Variants in MTFR1 observed in about 807,000 individuals in gnomAD.
MTFR1 encodes the protein mitochondrial fission regulator 1, also known as chondrocyte protein with a poly-proline region.
MTFR1 carries 28 observed loss-of-function variants against 38.8 expected under a neutral mutation model. The ratio of observed to expected loss-of-function variants is 0.72; its 90% confidence interval spans 0.53 to 0.99. The LOEUF (loss-of-function observed/expected upper bound fraction) is 0.99, where lower values mean the gene tolerates loss of function less well. Ranked by LOEUF, MTFR1 falls within the 50% of genes least tolerant of loss-of-function variation. The pLI, the probability that MTFR1 is intolerant of heterozygous loss-of-function variation, is 0.00. For synonymous variants in MTFR1, 145 were observed against 137.0 expected (o/e 1.06, Z -0.41); for missense variants, 358 against 395.5 (o/e 0.91, Z 0.81).
At chr8:65,655,127 C>T (rs1409701651) in intron 1 of MTFR1, among the ~76,000 whole-genome samples, 2 of 152,134 alleles carry the variant, frequency 1.3e-5, no homozygotes, top group Non-Finnish European at 1.5e-5. Context: ...CATGTGGCTG[C>T]TTAAAATATT....
chr8:65,766,913 T>C (rs755608203), intron 3 of MTFR1, among the ~76,000 whole-genome samples: 1 of 151,786 alleles, frequency 6.6e-6, no homozygotes, highest in East Asian at 1.9e-4. Context: ...GGGATGAGAG[T>C]TGAGGAAGTT....
At chr8:65,657,155 A>G (rs969370094) in intron 1 of MTFR1, among the ~76,000 whole-genome samples, 2 of 151,952 alleles carry the variant, frequency 1.3e-5, no homozygotes, top group African/African-American at 4.8e-5. Context: ...CTAGGATTAC[A>G]GGCATGCACC....
intron 3 of MTFR1, chr8:65,725,206 A>T (rs1806562708): frequency 2.6e-5 from 5 of 192,218 alleles, no homozygotes; most frequent in Admixed American, 1.2e-4. Context: ...TATTTGCTTT[A>T]AAAAAAAAAT....
chr8:65,771,884 C>CA (rs36101490), downstream of MTFR1, among the ~76,000 whole-genome samples: 11,216 of 55,358 alleles, frequency 0.2, 1,431 homozygotes, highest in African/African-American at 0.27. Context: ...CTCCATCTCT[C>CA]AAAAAAAAAA....
At position 65,708,153 on chromosome 8, in the gene MTFR1, T is replaced by C. The variant is rs760931760; in HGVS notation, c.933+142T>C. ...CAGGATTTGGTCCCTGCCTTACAAG[T>C]AGATCACGGCTGGTTGGGAAAAGGA... On this transcript the variant is annotated intron_variant, in intron 7 of 7. Coordinates refer to ENST00000262146, the MANE Select transcript of MTFR1 (RefSeq NM_014637.4). The C allele has an allele frequency of 8.5e-6, 13 of 1,537,624 alleles. No homozygotes were observed. The South Asian group carries it at 1.5e-4, about 17-fold the overall frequency.
intron 3 of MTFR1, chr8:65,728,381 C>T (rs1806695101): frequency 6.6e-6 from 1 of 152,154 alleles, no homozygotes; most frequent in African/African-American, 2.4e-5. Flanking sequence ...TCATCTCTTT[C>T]TACTCCCTGT....
At chr8:65,647,093 A>G (rs1808980911) in intron 1 of MTFR1, among the ~76,000 whole-genome samples, 1 of 152,220 alleles carries the variant, frequency 6.6e-6, no homozygotes. Context: ...TGACATGATC[A>G]AAGTTATCTT....
intron 3 of MTFR1, among the ~76,000 whole-genome samples, chr8:65,768,853 C>CA (rs1808930764): frequency 6.6e-6 from 1 of 152,042 alleles, no homozygotes; most frequent in Admixed American, 6.5e-5. Context: ...AAGATATAAT[C>CA]AAAAATAATA....
chr8:65,693,533 A>C (rs140960318), intron 3 of MTFR1, 111 bp from the exon 4 acceptor site: 2 of 737,612 alleles, frequency 2.7e-6, no homozygotes, highest in Non-Finnish European at 4.7e-6. Flanking sequence ...GTTAGAAACC[A>C]CTCATGTGTT....
chr8:65,724,183 G>T, intron 3 of MTFR1: 1 of 911,300 alleles, frequency 1.1e-6, no homozygotes. Flanking sequence ...AAATTATTGA[G>T]TTATTTTATT....
At chr8:65,769,877 C>T (rs951976459) in intron 3 of MTFR1, among the ~76,000 whole-genome samples, 2 of 152,096 alleles carry the variant, frequency 1.3e-5, no homozygotes, top group African/African-American at 2.4e-5. Flanking sequence ...GCCTGGGTGA[C>T]AAGAGTGAAA....
At chr8:65,644,583 GAC>G (rs1305680312), upstream of MTFR1, among the ~76,000 whole-genome samples, 1 of 152,254 alleles carries the variant, frequency 6.6e-6, no homozygotes, top group African/African-American at 2.4e-5. Context: ...CACCGACTGT[GAC>G]TCTCAGCAGC....
chr8:65,708,322 G>A (rs1020042215), intron 7 of MTFR1: 2 of 420,894 alleles, frequency 4.8e-6, no homozygotes, highest in South Asian at 2.2e-5. Flanking sequence ...AATCTCCAAT[G>A]TTACATTTTC....
At chr8:65,664,083 C>G (rs895718114) in intron 1 of MTFR1, among the ~76,000 whole-genome samples, 3 of 152,020 alleles carry the variant, frequency 2.0e-5, no homozygotes, top group African/African-American at 7.2e-5. Flanking sequence ...TCCAAAGTGT[C>G]AGGATTACAG....
At chr8:65,737,433 T>C (rs1456073819) in intron 3 of MTFR1, among the ~76,000 whole-genome samples, 1 of 152,204 alleles carries the variant, frequency 6.6e-6, no homozygotes, top group East Asian at 1.9e-4. Context: ...TGCAAAATTG[T>C]ATCTGTAGAG....
At chr8:65,701,477 T>C (rs1329764477) in intron 4 of MTFR1, among the ~76,000 whole-genome samples, 1 of 152,232 alleles carries the variant, frequency 6.6e-6, no homozygotes, top group Non-Finnish European at 1.5e-5. Context: ...TCTATATTAA[T>C]ATATTAATTT....
chr8:65,727,287 T>A (rs1806650678), intron 3 of MTFR1: 1 of 1,612,652 alleles, frequency 6.2e-7, no homozygotes, highest in Non-Finnish European at 8.5e-7. Context: ...CCCAAGGAGT[T>A]ACAGAATTGG....
chr8:65,674,690 C>T lies in MTFR1; in HGVS notation c.66+4672C>T, dbSNP rs1046000729. Among the ~76,000 whole-genome samples, 49 of 152,160 alleles carry T rather than the reference C, an allele frequency of 3.2e-4. 1 individual carries two copies. The highest frequency in any genetic ancestry group is 3.2e-3 in the Admixed American group (49 of 15,264). ...TTTTGTTTCATTTTTCCCATTAGAA[C>T]AGCCAGTGGTGATTGGCTCATTGTC... On this transcript the variant is annotated intron_variant, in intron 2 of 7. Coordinates refer to ENST00000262146, the MANE Select transcript of MTFR1 (RefSeq NM_014637.4).
chr8:65,724,063 CA>C (rs1057314119), intron 3 of MTFR1, among the ~76,000 whole-genome samples: 3 of 152,072 alleles, frequency 2.0e-5, no homozygotes, highest in Admixed American at 6.5e-5. Flanking sequence ...CTGATCATTC[CA>C]AAAGAGGACT....
Sources: allele counts gnomAD v4.1 joint callset (sites outside exome capture counted in the v4.1 genomes callset), GRCh38; gene constraint gnomAD v4.1.1; transcripts MANE v1.5; gene names NCBI Gene and HGNC (gene_info 2026-07-23, HGNC 2026-07-21).